Variants in RASAL2 observed in about 807,000 individuals in gnomAD.
The protein encoded by RASAL2 is ras GTPase-activating protein nGAP.
Under a neutral mutation model 128.9 loss-of-function variants are expected in RASAL2, and 58 were observed. That is an observed-to-expected ratio of 0.45 (90% CI 0.36 to 0.56). RASAL2 has a LOEUF of 0.56. Among genes scored for constraint, RASAL2 ranks in the 20% least tolerant of loss-of-function variants. The pLI, the probability that RASAL2 is intolerant of heterozygous loss-of-function variation, is 0.00. For synonymous variants in RASAL2, 561 were observed against 580.8 expected (o/e 0.97, Z 0.49); for missense variants, 1,360 against 1,601.6 (o/e 0.85, Z 2.57).
chr1:178,346,414 A>C (rs1670158673), intron 3 of RASAL2, among the ~76,000 whole-genome samples: 1 of 151,492 alleles, frequency 6.6e-6, no homozygotes, highest in Non-Finnish European at 1.5e-5. Context: ...AAAAAAAAAA[A>C]AGAAAGAAAG....
rs577684269 is a variant in RASAL2 at position 178,242,871 on chromosome 1, A to G, written c.203-40693A>G. Among the ~76,000 whole-genome samples, 5 of 151,968 alleles carry G rather than the reference A, an allele frequency of 3.3e-5. No homozygotes were observed. In the South Asian group the frequency reaches 1.0e-3, roughly 32 times the overall value. On this transcript the variant is annotated intron_variant, in intron 1 of 17. Coordinates refer to ENST00000367649, the MANE Select transcript of RASAL2 (RefSeq NM_170692.4). ...TCTCCTGAGTAGCTCTGTAACTTCT[A>G]TTTCTTTTATAAGGTTTTTTTCTTA...
intron 4 of RASAL2, 104 bp from the exon 5 acceptor site, chr1:178,420,407 C>A: frequency 3.2e-6 from 2 of 631,604 alleles, no homozygotes; most frequent in Non-Finnish European, 5.1e-6. Flanking sequence ...GTTTCTATTT[C>A]TGGTCTTTAT....
chr1:178,307,834 G>A (rs1571827370), intron 3 of RASAL2, among the ~76,000 whole-genome samples: 2 of 152,170 alleles, frequency 1.3e-5, no homozygotes, highest in Admixed American at 6.5e-5. Flanking sequence ...GCCCAAATGG[G>A]CAAACTACAG....
chr1:178,456,576 A>G, intron 12 of RASAL2, 145 bp from the exon 13 acceptor site: 3 of 832,556 alleles, frequency 3.6e-6, no homozygotes, highest in Non-Finnish European at 6.1e-6. Flanking sequence ...ACAATGCATT[A>G]TGAACCTGCC....
rs1676472072 is a variant in RASAL2, at chr1:178,439,411, T to G, written c.675-11T>G. On this transcript the variant is annotated splice_polypyrimidine_tract_variant and intron_variant, in intron 5 of 17. Coordinates refer to ENST00000367649, the MANE Select transcript of RASAL2 (RefSeq NM_170692.4). ...AGTTACACTACCTTAAATATCTTTT[T>G]CTACTTTTAGGTCTCGTGGGCTGCC... is the stretch of plus-strand genomic sequence containing the variant. The G allele has an allele frequency of 6.3e-7, 1 of 1,596,772 alleles. No homozygotes were observed. Among genetic ancestry groups the G allele is most frequent in the South Asian group, 1.1e-5 (1 of 88,412 alleles).
Position 178,476,720 on chromosome 1 carries a change from G to T in RASAL2, c.*3481G>T, listed in dbSNP as rs1401933407. ...CTTAAGAATGAGCTTGACTTTGGAA[G>T]TAAAGCTTTTCAGATCTTAGTCTAC... On this transcript the variant is annotated 3_prime_UTR_variant, in exon 18 of 18. Transcript: ENST00000367649. 1 of 152,200 alleles carries T rather than the reference G, an allele frequency of 6.6e-6. No homozygotes were observed. Among genetic ancestry groups the T allele is most frequent in the African/African-American group, 2.4e-5 (1 of 41,440 alleles). 9.4% of individuals were successfully genotyped at this position (152,200 alleles called of 1,614,324 possible). A position where few individuals can be genotyped will look rare whatever the true frequency, so the allele number is the denominator to read the frequency against.
At chr1:178,200,146 T>C (rs1191152540) in intron 1 of RASAL2, among the ~76,000 whole-genome samples, 1 of 152,190 alleles carries the variant, frequency 6.6e-6, no homozygotes, top group East Asian at 1.9e-4. Context: ...TCTGTCCCTC[T>C]AGAGAACCCT....
intron 1 of RASAL2, among the ~76,000 whole-genome samples, chr1:178,269,750 T>G: frequency 6.6e-6 from 1 of 152,174 alleles, no homozygotes; most frequent in Non-Finnish European, 1.5e-5. Context: ...GAAATAACCA[T>G]AAAAATGGGC....
chr1:178,382,172 C>G (rs75492095), intron 3 of RASAL2, among the ~76,000 whole-genome samples: 5,232 of 152,212 alleles, frequency 0.034, 114 homozygotes, highest in Non-Finnish European at 0.051. Context: ...TTGGAGGGCT[C>G]TTGTCACTTT....
intron 3 of RASAL2, among the ~76,000 whole-genome samples, chr1:178,384,463 G>A (rs1314409035): frequency 6.6e-6 from 1 of 152,078 alleles, no homozygotes; most frequent in Admixed American, 6.6e-5. Context: ...CAAAGATTAA[G>A]TAAGTTAGAT....
chr1:178,249,505 G>T (rs1440119328), intron 1 of RASAL2, among the ~76,000 whole-genome samples: 1 of 151,862 alleles, frequency 6.6e-6, no homozygotes, highest in African/African-American at 2.4e-5. Flanking sequence ...TAGCTCAGAG[G>T]AGTTTGTTAT....
intron 1 of RASAL2, among the ~76,000 whole-genome samples, chr1:178,181,270 T>C (rs966805425): frequency 6.6e-6 from 1 of 152,168 alleles, no homozygotes; most frequent in Non-Finnish European, 1.5e-5. Context: ...CTATTACTTA[T>C]ATTAACATCC....
intron 3 of RASAL2, among the ~76,000 whole-genome samples, chr1:178,305,973 A>G (rs1011172244): frequency 6.6e-5 from 10 of 152,202 alleles, no homozygotes; most frequent in Admixed American, 2.0e-4. Flanking sequence ...ACAAATGTGT[A>G]TGGGGAAGAA....
intron 13 of RASAL2, among the ~76,000 whole-genome samples, chr1:178,457,387 A>T (rs1260375105): frequency 6.6e-6 from 1 of 152,232 alleles, no homozygotes; most frequent in Non-Finnish European, 1.5e-5. Flanking sequence ...TATGAATTGG[A>T]ATATTTGGGG....
Position 178,362,567 on chromosome 1 carries a change from A to G in RASAL2, c.458-27533A>G, listed in dbSNP as rs1671179877. 2.0e-5 allele frequency among the ~76,000 whole-genome samples: 3 copies of G among 149,632 alleles called. No homozygotes were observed. In the South Asian group the frequency reaches 6.3e-4, roughly 31 times the overall value. On this transcript the variant is annotated intron_variant, in intron 3 of 17. Transcript: ENST00000367649. ...TAAAATATTATTAACCATAGTCCTC[A>G]TGTTGTACACTAGATCTCTAGATTT...
At chr1:178,135,776 G>A (rs1327613705) in intron 1 of RASAL2, among the ~76,000 whole-genome samples, 2 of 152,160 alleles carry the variant, frequency 1.3e-5, no homozygotes, top group East Asian at 3.8e-4. Context: ...TGGAAGGCAA[G>A]GAGGAGCAAG....
At chr1:178,420,118 A>C in intron 4 of RASAL2, among the ~76,000 whole-genome samples, 1 of 152,130 alleles carries the variant, frequency 6.6e-6, no homozygotes, top group East Asian at 1.9e-4. Context: ...GTTTTCCCTT[A>C]GTTTGGGAAA....
intron 4 of RASAL2, among the ~76,000 whole-genome samples, chr1:178,396,826 TAAAA>T (rs60205143): frequency 7.5e-6 from 1 of 134,162 alleles, no homozygotes; most frequent in Non-Finnish European, 1.6e-5. Flanking sequence ...GAGTGGCTGG[TAAAA>T]AAAAAAAAAA....
At chr1:178,455,322 A>G (rs1284127518) in intron 12 of RASAL2, among the ~76,000 whole-genome samples, 1 of 152,232 alleles carries the variant, frequency 6.6e-6, no homozygotes, top group Non-Finnish European at 1.5e-5. Context: ...GGCTAGGCTT[A>G]TTACAATAAT....
Sources: allele counts gnomAD v4.1 joint callset (sites outside exome capture counted in the v4.1 genomes callset), GRCh38; gene constraint gnomAD v4.1.1; transcripts MANE v1.5; gene names NCBI Gene and HGNC (gene_info 2026-07-23, HGNC 2026-07-21).